The following LDB2 variants were observed in gnomAD, a reference collection of about 807,000 sequenced individuals.
The protein encoded by LDB2 is LIM domain-binding protein 2.
A neutral mutation model predicts 44.3 loss-of-function variants in LDB2; 12 were observed. The ratio of observed to expected loss-of-function variants is 0.27; its 90% CI spans 0.17 to 0.44. LDB2 has a LOEUF of 0.44. LDB2 is among the 20% of genes least tolerant of loss of function. LDB2 has a pLI of 1.00. For missense variants in LDB2, 344 were observed against 473.5 expected, an observed-to-expected ratio of 0.73 and a Z score of 2.54; for synonymous variants, 164 against 174.8, an observed-to-expected ratio of 0.94 and a Z score of 0.49.
At chr4:16,598,495 G>A (rs1578113876) in intron 2 of LDB2, among the ~76,000 whole-genome samples, 1 of 152,108 alleles carries the variant, frequency 6.6e-6, no homozygotes, top group African/African-American at 2.4e-5. Context: ...GGTGTCACGT[G>A]GAGCAGAGAT....
At chr4:16,797,377 TA>T (rs1277504893) in intron 1 of LDB2, among the ~76,000 whole-genome samples, 1 of 152,148 alleles carries the variant, frequency 6.6e-6, no homozygotes, top group African/African-American at 2.4e-5. Flanking sequence ...CATACTAACG[TA>T]AGATCTTGAC....
At chr4:16,560,497 C>T (rs1206416046) in intron 5 of LDB2, among the ~76,000 whole-genome samples, 3 of 152,138 alleles carry the variant, frequency 2.0e-5, no homozygotes, top group Admixed American at 6.6e-5. Context: ...GACACATACA[C>T]CCTCCCCAGA....
intron 2 of LDB2, among the ~76,000 whole-genome samples, chr4:16,758,034 C>G (rs1767043278): frequency 6.6e-6 from 1 of 152,156 alleles, no homozygotes; most frequent in Admixed American, 6.5e-5. Flanking sequence ...AGCAAGTCCA[C>G]TCCGGGCTGC....
At position 16,576,874 on chromosome 4, in the gene LDB2, A is replaced by T. The variant is rs140708963; in HGVS notation, c.615+9048T>A. Among the ~76,000 whole-genome samples, 348 of 152,322 alleles carry T rather than the reference A, an allele frequency of 2.3e-3. 5 individuals carry two copies. Among genetic ancestry groups the T allele is most frequent in the African/African-American group, 7.9e-3 (328 of 41,576 alleles). On this transcript the variant is annotated intron_variant, in intron 5 of 7. Transcript: ENST00000304523. ...CCAAACTCAACAGCACATTAAAAAG[A>T]TCATTTGTCATGACCAAGTGGTAGT... is the stretch of plus-strand genomic sequence containing the variant.
chr4:16,709,003 G>T (rs1441557546), intron 2 of LDB2, among the ~76,000 whole-genome samples: 1 of 152,090 alleles, frequency 6.6e-6, no homozygotes, highest in African/African-American at 2.4e-5. Context: ...TTACTCCCAA[G>T]CTGGGGTTTG....
chr4:16,506,351 G>C (rs1719427880), intron 7 of LDB2: 1 of 172,940 alleles, frequency 5.8e-6, no homozygotes, highest in South Asian at 1.7e-4. Context: ...TGGAGATAGT[G>C]ATGGAATCCA....
At chr4:16,631,482 G>A (rs1453073767) in intron 2 of LDB2, among the ~76,000 whole-genome samples, 3 of 152,082 alleles carry the variant, frequency 2.0e-5, no homozygotes, top group African/African-American at 7.2e-5. Flanking sequence ...AGAGAAAGCA[G>A]GAGAGATCTA....
intron 1 of LDB2, among the ~76,000 whole-genome samples, chr4:16,897,466 A>T (rs2110574561): frequency 6.6e-6 from 1 of 152,324 alleles, no homozygotes; most frequent in Non-Finnish European, 1.5e-5. Flanking sequence ...ACAGAGAAAA[A>T]GTCAACTGAC....
chr4:16,678,907 A>G (rs1747058901), intron 2 of LDB2, among the ~76,000 whole-genome samples: 1 of 152,168 alleles, frequency 6.6e-6, no homozygotes, highest in Non-Finnish European at 1.5e-5. Context: ...TACCTGATTG[A>G]GTCCTTTTAT....
At chr4:16,813,060 C>T (rs541117103) in intron 1 of LDB2, among the ~76,000 whole-genome samples, 40 of 151,892 alleles carry the variant, frequency 2.6e-4, no homozygotes, top group African/African-American at 4.6e-4. Context: ...TGCAGTGGCA[C>T]GATCTCAGCT....
intron 2 of LDB2, among the ~76,000 whole-genome samples, chr4:16,609,356 G>GGGC (rs1724953811): frequency 6.7e-6 from 1 of 148,774 alleles, no homozygotes; most frequent in African/African-American, 2.5e-5. Flanking sequence ...GGGGGCGGGG[G>GGGC]GGGGAGGGGA....
chr4:16,744,716 T>C (rs753835439), intron 2 of LDB2, among the ~76,000 whole-genome samples: 2 of 152,166 alleles, frequency 1.3e-5, no homozygotes, highest in Non-Finnish European at 2.9e-5. Flanking sequence ...AACCTCGTGA[T>C]CTGCCCGCCT....
In LDB2 at chr4:16,826,177, ATAGAT is replaced by A. The variant is rs577217263; in HGVS notation, c.133-66922_133-66918del. 7.2e-5 allele frequency among the ~76,000 whole-genome samples: 11 copies of A among 152,180 alleles called. No individual in the cohort carries two copies. The East Asian group carries it at 7.7e-4, about 11-fold the overall frequency. ...GATAGATACATAGATCCAGAGATAG[ATAGAT>A]TAGATAGATGAGATAGCTATAACAC... On this transcript the variant is annotated intron_variant, in intron 1 of 7. Transcript: ENST00000304523.
At chr4:16,710,642 G>C (rs1012787601) in intron 2 of LDB2, among the ~76,000 whole-genome samples, 1 of 151,978 alleles carries the variant, frequency 6.6e-6, no homozygotes, top group East Asian at 1.9e-4. Context: ...CAACAGGAAG[G>C]TTTTATTTAA....
At chr4:16,791,980 T>A (rs1047508882) in intron 1 of LDB2, among the ~76,000 whole-genome samples, 1 of 152,214 alleles carries the variant, frequency 6.6e-6, no homozygotes, top group Non-Finnish European at 1.5e-5. Flanking sequence ...ATCCCCTTAA[T>A]GTTTTTAGTG....
intron 2 of LDB2, among the ~76,000 whole-genome samples, chr4:16,648,727 C>CT (rs909129362): frequency 6.6e-6 from 1 of 151,976 alleles, no homozygotes; most frequent in African/African-American, 2.4e-5. Flanking sequence ...CTCAACTTAA[C>CT]TTTTTTTTGC....
chr4:16,562,747 T>G (rs1742880004), intron 5 of LDB2, among the ~76,000 whole-genome samples: 3 of 152,182 alleles, frequency 2.0e-5, no homozygotes. Flanking sequence ...AATCATACTG[T>G]TATAAAGACA....
At chr4:16,738,487 G>T (rs556367537) in intron 2 of LDB2, among the ~76,000 whole-genome samples, 2 of 152,176 alleles carry the variant, frequency 1.3e-5, no homozygotes, top group Non-Finnish European at 2.9e-5. Context: ...TTCACATGAG[G>T]CCAACCACAG....
chr4:16,629,593 CA>C (rs1225861504), intron 2 of LDB2, among the ~76,000 whole-genome samples: 1 of 151,674 alleles, frequency 6.6e-6, no homozygotes, highest in Non-Finnish European at 1.5e-5. Context: ...TCAACATCAA[CA>C]AAAACAGAAG....
Sources: allele counts gnomAD v4.1 joint callset (sites outside exome capture counted in the v4.1 genomes callset), GRCh38; gene constraint gnomAD v4.1.1; transcripts MANE v1.5; gene names NCBI Gene and HGNC (gene_info 2026-07-23, HGNC 2026-07-21).